Variants in KCNT2 observed in about 807,000 individuals in gnomAD.
KCNT2 encodes the protein potassium sodium-activated channel subfamily T member 2.
Under a neutral mutation model 153.8 loss-of-function variants are expected in KCNT2, and 67 were observed. The ratio of observed to expected loss-of-function variants is 0.44; its 90% CI spans 0.36 to 0.53. The LOEUF (loss-of-function observed/expected upper bound fraction) is 0.53, where lower values mean the gene tolerates loss of function less well. Ranked by LOEUF, KCNT2 falls within the 20% of genes least tolerant of loss-of-function variation. KCNT2 has a pLI of 0.00. For missense variants in KCNT2, 975 were observed against 1,354.8 expected (o/e 0.72, Z 4.40); for synonymous variants, 500 against 458.8 (o/e 1.09, Z -1.15).
At chr1:196,378,887 A>C (rs1377149270) in intron 13 of KCNT2, among the ~76,000 whole-genome samples, 1 of 149,794 alleles carries the variant, frequency 6.7e-6, no homozygotes, top group Non-Finnish European at 1.5e-5. Flanking sequence ...CCATCGCTAA[A>C]ACTACTACCT....
At chr1:196,446,183 T>C (rs1365213256) in intron 8 of KCNT2, among the ~76,000 whole-genome samples, 2 of 151,480 alleles carry the variant, frequency 1.3e-5, no homozygotes, top group African/African-American at 4.8e-5. Flanking sequence ...GCTTCTACTC[T>C]GTATTTTTTT....
chr1:196,446,707 G>A (rs992636232), intron 8 of KCNT2, among the ~76,000 whole-genome samples: 1 of 151,454 alleles, frequency 6.6e-6, no homozygotes, highest in Admixed American at 6.6e-5. Context: ...TTATTCAGGG[G>A]CTGTATTCTA....
At chr1:196,382,844 G>A (rs1347712526) in intron 13 of KCNT2, among the ~76,000 whole-genome samples, 2 of 151,922 alleles carry the variant, frequency 1.3e-5, no homozygotes, top group South Asian at 2.1e-4. Context: ...GTTAAGGGCC[G>A]CTTTGAGCTG....
chr1:196,442,337 T>C (rs1675308453), intron 8 of KCNT2, among the ~76,000 whole-genome samples: 1 of 151,830 alleles, frequency 6.6e-6, no homozygotes, highest in Admixed American at 6.6e-5. Context: ...TGTGAAAAAG[T>C]TTTGTTCTCC....
chr1:196,583,132 C>A (rs1444475492), intron 1 of KCNT2, among the ~76,000 whole-genome samples: 1 of 151,990 alleles, frequency 6.6e-6, no homozygotes, highest in Non-Finnish European at 1.5e-5. Context: ...AATTAAAACA[C>A]CTCTCAAGAG....
intron 22 of KCNT2, among the ~76,000 whole-genome samples, chr1:196,302,387 C>T (rs553262103): frequency 2.0e-5 from 3 of 152,090 alleles, no homozygotes; most frequent in Admixed American, 2.0e-4. Flanking sequence ...GATAGGGCTG[C>T]CATAACAAAG....
chr1:196,377,103 A>T (rs1189896192), intron 13 of KCNT2, among the ~76,000 whole-genome samples: 1 of 151,966 alleles, frequency 6.6e-6, no homozygotes, highest in Non-Finnish European at 1.5e-5. Context: ...CAGAGGAGTG[A>T]CGTTTATTGG....
In KCNT2 at chr1:196,226,987, A is replaced by G. The variant is rs951309106; in HGVS notation, c.*1237T>C. ...TCTTTTGATCTATTTCTCTAGGGGG[A>G]AAATGCAATACAGGTAAAAAATGAA... On this transcript the variant is annotated 3_prime_UTR_variant, in exon 28 of 28. Coordinates refer to ENST00000294725, the MANE Select transcript of KCNT2 (RefSeq NM_198503.5). 5 of 151,958 alleles carry G rather than the reference A, an allele frequency of 3.3e-5. No individual in the cohort carries two copies. Among genetic ancestry groups the G allele is most frequent in the Admixed American group, 6.6e-5 (1 of 15,260 alleles). 9.4% of individuals were successfully genotyped at this position (151,958 alleles called of 1,614,324 possible). A position where few individuals can be genotyped will look rare whatever the true frequency, so the allele number is the denominator to read the frequency against.
chr1:196,489,081 T>C (rs1679659488), intron 3 of KCNT2, among the ~76,000 whole-genome samples: 1 of 151,882 alleles, frequency 6.6e-6, no homozygotes, highest in Non-Finnish European at 1.5e-5. Flanking sequence ...AGCAGGAAAC[T>C]TAATTTCCCA....
chr1:196,336,964 AT>A (rs1165747834), intron 16 of KCNT2, among the ~76,000 whole-genome samples: 3 of 151,518 alleles, frequency 2.0e-5, no homozygotes, highest in Non-Finnish European at 2.9e-5. Context: ...TTTGTCTTTT[AT>A]TTTTTCCTGC....
chr1:196,349,102 T>A (rs1273290057), intron 14 of KCNT2, among the ~76,000 whole-genome samples: 3 of 152,138 alleles, frequency 2.0e-5, no homozygotes, highest in African/African-American at 7.2e-5. Context: ...GAAGCTTGTG[T>A]TTATTATCCT....
At chr1:196,451,217 C>CTATTTTTTTTTTTTTTTTTTT (rs1676135727) in intron 8 of KCNT2, among the ~76,000 whole-genome samples, 2 of 63,552 alleles carry the variant, frequency 3.1e-5, no homozygotes, top group African/African-American at 9.4e-5. Flanking sequence ...ATCCCTCTTT[C>CTATTTTTTTTTTTTTTTTTTT]TTTTTTTTTT....
chr1:196,253,448 C>T (rs1656171227), intron 26 of KCNT2, among the ~76,000 whole-genome samples: 1 of 151,452 alleles, frequency 6.6e-6, no homozygotes, highest in East Asian at 1.9e-4. Context: ...TTGTTTTCCT[C>T]TGCCACCTTG....
chr1:196,351,850 A>C (rs1441325415), intron 14 of KCNT2, among the ~76,000 whole-genome samples: 3 of 152,102 alleles, frequency 2.0e-5, no homozygotes, highest in Non-Finnish European at 4.4e-5. Context: ...TTTGTCATAG[A>C]TAGCTCTTAT....
At chr1:196,318,505 T>C (rs1256754241) in intron 20 of KCNT2, among the ~76,000 whole-genome samples, 3 of 151,818 alleles carry the variant, frequency 2.0e-5, no homozygotes, top group African/African-American at 7.2e-5. Context: ...GTTTATTCTT[T>C]AGCTTTTAGA....
At chr1:196,403,339 G>A (rs1427696002) in intron 12 of KCNT2, among the ~76,000 whole-genome samples, 2 of 151,690 alleles carry the variant, frequency 1.3e-5, no homozygotes, top group Non-Finnish European at 3.0e-5. Context: ...ATATGTCATT[G>A]TAGAAATGCA....
chr1:196,419,319 CT>C (rs1467907182), intron 12 of KCNT2, among the ~76,000 whole-genome samples: 8 of 94,374 alleles, frequency 8.5e-5, no homozygotes, highest in African/African-American at 3.4e-4. Context: ...AATGCTATCC[CT>C]CCCCCCTCCC....
chr1:196,519,257 A>G (rs1653024306), intron 1 of KCNT2, among the ~76,000 whole-genome samples: 1 of 152,188 alleles, frequency 6.6e-6, no homozygotes, highest in Admixed American at 6.5e-5. Flanking sequence ...GTGAGAACAA[A>G]GATACAACAT....
Position 196,409,592 on chromosome 1 carries a change from C to T in KCNT2, c.1186-10921G>A, listed in dbSNP as rs1467120997. ...GCTTTCTGAATTTTTTCATGTGAAT[C>T]CAGAGTGTCACAACACATCATTTCT... is the stretch of plus-strand genomic sequence containing the variant. On this transcript the variant is annotated intron_variant, in intron 12 of 27. Transcript: ENST00000294725. Among the ~76,000 whole-genome samples, 4 of 151,500 alleles carry T rather than the reference C, an allele frequency of 2.6e-5. No homozygotes were observed. The East Asian group carries it at 7.8e-4, about 29-fold the overall frequency.
Sources: gnomAD v4.1 joint callset for allele counts (sites outside exome capture counted in the v4.1 genomes callset) on GRCh38, gnomAD v4.1.1 for gene constraint, MANE v1.5 for transcripts, NCBI Gene and HGNC (gene_info 2026-07-23, HGNC 2026-07-21) for gene names.